ATM: variants seen among roughly 807,000 people sequenced by gnomAD.
The protein encoded by ATM is serine-protein kinase ATM.
ATM carries 308 observed loss-of-function variants against 387.0 expected under a neutral mutation model. The observed-to-expected ratio is 0.80, with a 90% CI of 0.73 to 0.87. The LOEUF is 0.87. Ranked by LOEUF, ATM falls within the 40% of genes least tolerant of loss-of-function variation. The pLI, the probability that ATM is intolerant of heterozygous loss-of-function variation, is 0.00. For synonymous variants in ATM, 1,156 were observed against 1,187.3 expected, an observed-to-expected ratio of 0.97 and a Z score of 0.54; for missense variants, 3,312 against 3,560.9, an observed-to-expected ratio of 0.93 and a Z score of 1.78.
In ATM at chr11:108,332,803, A is replaced by G. The variant is rs2136564073; in HGVS notation, c.7830A>G (p.Arg2610=). Residue 2610 remains arginine (R), a synonymous_variant, in exon 53 of 63, where the codon AGA becomes AGG. Transcript: ENST00000675843. The part of the protein sequence containing the change: ...EAANRIICTI[R]SRRPQMVRSV... Reference sequence around the variant, plus strand: ...CAAATAGAATAATATGTACTATCAGAAGTAGGAGACCTCAGATGGTCAGAA... The same window carrying G: ...CAAATAGAATAATATGTACTATCAGGAGTAGGAGACCTCAGATGGTCAGAA... The G allele has an allele frequency of 1.2e-6, 2 of 1,613,496 alleles. No homozygotes were observed. The highest frequency in any genetic ancestry group is 1.7e-6 in the Non-Finnish European group (2 of 1,179,774).
intron 40 of ATM, 116 bp from the exon 41 acceptor site, chr11:108,315,707 T>A: frequency 1.3e-6 from 1 of 756,214 alleles, no homozygotes; most frequent in Non-Finnish European, 2.3e-6. Flanking sequence ...TTTATTTCTA[T>A]AACATAACAT....
chr11:108,261,241 A>G (rs1377684544), intron 16 of ATM, among the ~76,000 whole-genome samples: 1 of 152,222 alleles, frequency 6.6e-6, no homozygotes, highest in African/African-American at 2.4e-5. Flanking sequence ...CCTGTCTGAC[A>G]GCTTTGAAGA....
intron 39 of ATM, 100 bp from the exon 40 acceptor site, chr11:108,312,311 C>A: frequency 1.2e-6 from 1 of 859,074 alleles, no homozygotes; most frequent in Non-Finnish European, 2.0e-6. Context: ...TTTTGTTTGC[C>A]ACCTTCATTA....
chr11:108,234,958 ATTCATTC>A (rs951659284), intron 4 of ATM, among the ~76,000 whole-genome samples: 4 of 152,170 alleles, frequency 2.6e-5, no homozygotes, highest in African/African-American at 9.7e-5. Context: ...ATTCTAATAA[ATTCATTC>A]TTCATAAAGA....
chr11:108,321,313 G>A lies in ATM; in HGVS notation c.6465G>A (p.Val2155=), dbSNP rs140423883. 5.8e-5 allele frequency: 94 copies of A among 1,614,072 alleles called. No homozygotes were observed. The highest frequency in any genetic ancestry group is 8.9e-5 in the East Asian group (4 of 44,874). ...TTTTTGCTACTAGAGTAAAAGAAGT[G>A]GAAGAGATGTGTAAGCGCAGCCTTG... The part of the protein sequence containing the change: ...ESLKYARVKE[V]EEMCKRSLES... The change falls in exon 45 of 63, where the codon GTG becomes GTA. Residue 2155 remains valine (V), a synonymous_variant. Coordinates refer to ENST00000675843, the MANE Select transcript of ATM (RefSeq NM_000051.4).
At chr11:108,233,155 C>T (rs2079103708) in intron 4 of ATM, among the ~76,000 whole-genome samples, 1 of 152,200 alleles carries the variant, frequency 6.6e-6, no homozygotes, top group East Asian at 1.9e-4. Context: ...AGCCACTGTG[C>T]CCACCCTGTT....
At chr11:108,231,559 G>A (rs2079010677) in intron 4 of ATM, 1 of 152,108 alleles carries the variant, frequency 6.6e-6, no homozygotes. Flanking sequence ...AGCTGGGTGT[G>A]GTGGCGGGTG....
intron 9 of ATM, 45 bp downstream of exon 9, chr11:108,249,147 G>A (rs373810624): frequency 8.7e-6 from 14 of 1,606,680 alleles, no homozygotes; most frequent in African/African-American, 2.7e-5. Flanking sequence ...TTAATCTCTT[G>A]TATGTTATTT....
intron 5 of ATM, among the ~76,000 whole-genome samples, chr11:108,240,877 CT>C (rs1018910063): frequency 6.6e-6 from 1 of 152,102 alleles, no homozygotes; most frequent in Non-Finnish European, 1.5e-5. Flanking sequence ...GCTACTATAA[CT>C]TTTTTACTTT....
At chr11:108,249,357 C>G (rs1428265264) in intron 9 of ATM, among the ~76,000 whole-genome samples, 1 of 152,150 alleles carries the variant, frequency 6.6e-6, no homozygotes, top group East Asian at 1.9e-4. Context: ...AGGACTGGCT[C>G]TCTGATAGGC....
intron 61 of ATM, among the ~76,000 whole-genome samples, chr11:108,364,710 C>T (rs1279855457): frequency 6.6e-6 from 1 of 152,126 alleles, no homozygotes; most frequent in Non-Finnish European, 1.5e-5. Flanking sequence ...CAATCTATAC[C>T]TTGAGACAGC....
At chr11:108,257,839 T>TA (rs2080603065) in intron 15 of ATM, among the ~76,000 whole-genome samples, 1 of 152,188 alleles carries the variant, frequency 6.6e-6, no homozygotes, top group African/African-American at 2.4e-5. Context: ...TGGTTGGTGT[T>TA]ACTGTTTTGG....
At position 108,317,175 on chromosome 11, in the gene ATM, G is replaced by T. The variant is rs563807422; in HGVS notation, c.6199-198G>T. 1.1e-4 allele frequency among the ~76,000 whole-genome samples: 16 copies of T among 151,818 alleles called. No homozygotes were observed. In the South Asian group the frequency reaches 3.3e-3, roughly 32 times the overall value. ...GCTGGTCTCAAACTCCTGGGCTCAA[G>T]TGATCCTCCTGCCTCAGCCTCCCAA... On this transcript the variant is annotated intron_variant, in intron 42 of 62. Coordinates refer to ENST00000675843, the MANE Select transcript of ATM (RefSeq NM_000051.4).
chr11:108,320,175 G>T, intron 44 of ATM, 117 bp downstream of exon 44: 1 of 780,092 alleles, frequency 1.3e-6, no homozygotes. Flanking sequence ...ATAAAGACTT[G>T]GTGGCTGTGA....
At chr11:108,357,003 C>A (rs916466847) in intron 61 of ATM, among the ~76,000 whole-genome samples, 23 of 152,186 alleles carry the variant, frequency 1.5e-4, no homozygotes, top group Admixed American at 2.0e-4. Flanking sequence ...ATGCAGAAGA[C>A]AGGTGATTTC....
At chr11:108,358,990 C>T (rs1399437780) in intron 61 of ATM, among the ~76,000 whole-genome samples, 2 of 151,712 alleles carry the variant, frequency 1.3e-5, no homozygotes, top group African/African-American at 4.8e-5. Flanking sequence ...AATTAAAAGA[C>T]ACAGACTGGC....
At chr11:108,244,541 A>G (rs4987917) in intron 6 of ATM, among the ~76,000 whole-genome samples, 47 of 152,198 alleles carry the variant, frequency 3.1e-4, no homozygotes, top group African/African-American at 9.4e-4. Context: ...GTTTATTTTT[A>G]TACAATGTTT....
chr11:108,344,971 C>T (rs986803171), intron 57 of ATM, among the ~76,000 whole-genome samples: 3 of 152,102 alleles, frequency 2.0e-5, no homozygotes, highest in East Asian at 3.9e-4. Context: ...CCCCTGCACT[C>T]CAGTCCAGGT....
chr11:108,324,774 T>C (rs1565516770), intron 45 of ATM, among the ~76,000 whole-genome samples: 1 of 152,238 alleles, frequency 6.6e-6, no homozygotes, highest in Non-Finnish European at 1.5e-5. Context: ...ATAAACTAAT[T>C]GTGCAATATG....
Sources: gnomAD v4.1 joint callset for allele counts (sites outside exome capture counted in the v4.1 genomes callset) on GRCh38, gnomAD v4.1.1 for gene constraint, MANE v1.5 for transcripts, NCBI Gene and HGNC (gene_info 2026-07-23, HGNC 2026-07-21) for gene names.